The following PUM2 variants were observed in gnomAD, a reference collection of about 807,000 sequenced individuals.
PUM2 encodes the protein pumilio homolog 2.
Under a neutral mutation model 124.5 loss-of-function variants are expected in PUM2, and 57 were observed. That is an observed-to-expected ratio of 0.46 (90% CI 0.37 to 0.57). The LOEUF is 0.57. PUM2 is among the 20% of genes least tolerant of loss of function. PUM2 has a pLI of 0.00. For synonymous variants in PUM2, 460 were observed against 446.1 expected (o/e 1.03, Z -0.39); for missense variants, 1,065 against 1,290.6 (o/e 0.83, Z 2.68).
Position 20,283,352 on chromosome 2 carries a change from C to G in PUM2, c.1426G>C (p.Ala476Pro). ...PTPVLISSAA[A>P]QAAAAAAAGG... ...TGTCAGTTACACTTACCAGCTTGTG[C>G]TGCTGCTGAACTAATTAAAACAGGT... is the stretch of plus-strand genomic sequence containing the variant. The change falls in exon 11 of 21, where the codon GCA becomes CCA. Residue 476 changes from alanine (A) to proline (P), a missense_variant. This residue lies in a region of PUM2 where 968 missense variants were observed against 1,159.8 expected (regional missense o/e 0.83). Transcript: ENST00000361078. The G allele has an allele frequency of 6.8e-6, 11 of 1,614,002 alleles. No individual in the cohort carries two copies. Among genetic ancestry groups the G allele is most frequent in the Non-Finnish European group, 9.3e-6 (11 of 1,179,982 alleles).
Position 20,326,396 on chromosome 2 carries a change from C to T in PUM2, c.51+914G>A. ...GACTCTTTTCTGCATCTGAAGAGCA[C>T]AGCATTGGATGGAGTGAGTCTCATG... On this transcript the variant is annotated intron_variant, in intron 2 of 20. Transcript: ENST00000361078. The T allele has an allele frequency of 2.3e-6, 3 of 1,304,258 alleles. No individual in the cohort carries two copies. The Middle Eastern group carries it at 6.4e-4, about 278-fold the overall frequency. The allele number at this position is 1,304,258 out of a possible 1,614,324, so 80.8% of individuals were successfully genotyped here. A position where few individuals can be genotyped will look rare whatever the true frequency, so the allele number is the denominator to read the frequency against.
intron 1 of PUM2, among the ~76,000 whole-genome samples, chr2:20,345,376 T>A (rs1454338419): frequency 6.6e-6 from 1 of 152,136 alleles, no homozygotes; most frequent in African/African-American, 2.4e-5. Flanking sequence ...TCCCAAAGTG[T>A]TGAGATTACA....
intron 1 of PUM2, among the ~76,000 whole-genome samples, chr2:20,335,981 GAGAATCAAAATACTGCTGA>G (rs1484310945): frequency 6.6e-6 from 1 of 152,056 alleles, no homozygotes; most frequent in Non-Finnish European, 1.5e-5. Context: ...GACTTATTTG[GAGAATCAAAATACTGCTGA>G]AGAAAAGTTG....
intron 1 of PUM2, among the ~76,000 whole-genome samples, chr2:20,328,977 C>T (rs1286926360): frequency 6.6e-6 from 1 of 152,050 alleles, no homozygotes; most frequent in Non-Finnish European, 1.5e-5. Context: ...TTGAGACCAG[C>T]CTGGGCAACA....
At position 20,308,380 on chromosome 2, in the gene PUM2, A is replaced by C. The variant is rs1157487181; in HGVS notation, c.723T>G (p.Gly241=). The change falls in exon 6 of 21, where the codon GGT becomes GGG. Residue 241 remains glycine, a synonymous_variant. Transcript: ENST00000361078. ...GLESLQFDYP[G]NQVPMDSSGA... ...CTGAAGAGTCCATTGGTACCTGATTACCAGGATAGTCAAACTGTAAGGATT... is the reference window on the plus strand; with the variant it reads ...CTGAAGAGTCCATTGGTACCTGATTCCCAGGATAGTCAAACTGTAAGGATT... 6.2e-7 allele frequency: 1 copy of C among 1,613,882 alleles called. No homozygotes were observed. The highest frequency in any genetic ancestry group is 1.7e-5 in the Admixed American group (1 of 60,002).
chr2:20,311,463 G>T lies in PUM2; in HGVS notation c.518+31C>A, dbSNP rs376043118. 3.2e-6 allele frequency: 5 copies of T among 1,575,518 alleles called. No homozygotes were observed. The South Asian group carries it at 5.8e-5, about 18-fold the overall frequency. Reference sequence around the variant, plus strand: ...ATAGTAATAATCCCTAAAAAGATACGCTTTTCTTCTTGAGAAAGTTAAAAT... The same window carrying T: ...ATAGTAATAATCCCTAAAAAGATACTCTTTTCTTCTTGAGAAAGTTAAAAT... On this transcript the variant is annotated intron_variant, in intron 5 of 20. Coordinates refer to ENST00000361078, the MANE Select transcript of PUM2 (RefSeq NM_015317.5).
chr2:20,307,803 A>T (rs1678700396), intron 7 of PUM2, among the ~76,000 whole-genome samples, 175 bp downstream of exon 7: 1 of 152,246 alleles, frequency 6.6e-6, no homozygotes, highest in Non-Finnish European at 1.5e-5. Flanking sequence ...AGTGATGCAA[A>T]TAATAATCAG....
At chr2:20,343,797 T>A (rs1006968256) in intron 1 of PUM2, among the ~76,000 whole-genome samples, 12 of 152,162 alleles carry the variant, frequency 7.9e-5, no homozygotes, top group Admixed American at 4.6e-4. Flanking sequence ...GGTATGATGT[T>A]GTGCGCCTGT....
chr2:20,331,406 A>T (rs1176917151), intron 1 of PUM2, among the ~76,000 whole-genome samples: 2 of 152,326 alleles, frequency 1.3e-5, no homozygotes, highest in Admixed American at 1.3e-4. Context: ...AATAGCTAAA[A>T]TAAAGTGCTA....
rs146806490 is a variant in PUM2, at chr2:20,285,208, A to G, written c.1292-1722T>C. ...TCAACTCAACTCTGAAGTCCTGTTC[A>G]TTTACCTTCCAATCTTTCTCAAATC... is the stretch of plus-strand genomic sequence containing the variant. On this transcript the variant is annotated intron_variant, in intron 10 of 20. Coordinates refer to ENST00000361078, the MANE Select transcript of PUM2 (RefSeq NM_015317.5). 2.5e-4 allele frequency among the ~76,000 whole-genome samples: 38 copies of G among 152,314 alleles called. No homozygotes were observed. The East Asian group carries it at 7.3e-3, about 29-fold the overall frequency.
At chr2:20,300,306 C>A (rs1252272938) in intron 7 of PUM2, among the ~76,000 whole-genome samples, 1 of 152,166 alleles carries the variant, frequency 6.6e-6, no homozygotes, top group South Asian at 2.1e-4. Context: ...TGCGCCGCCA[C>A]GCCTGGCTAA....
chr2:20,336,534 A>G (rs1686065804), intron 1 of PUM2, among the ~76,000 whole-genome samples: 2 of 151,364 alleles, frequency 1.3e-5, no homozygotes, highest in South Asian at 4.2e-4. Context: ...TTTTTTTTAA[A>G]GAGACAGGGT....
intron 13 of PUM2, among the ~76,000 whole-genome samples, chr2:20,276,166 C>T (rs1314872838): frequency 4.0e-5 from 6 of 151,834 alleles, no homozygotes; most frequent in South Asian, 4.1e-4. Flanking sequence ...AAACTATGCA[C>T]TGAAATTCTT....
At chr2:20,274,313 C>T (rs1669687982) in intron 13 of PUM2, among the ~76,000 whole-genome samples, 1 of 152,048 alleles carries the variant, frequency 6.6e-6, no homozygotes, top group Non-Finnish European at 1.5e-5. Flanking sequence ...ATATTGTTTT[C>T]TGCTTTCATT....
intron 3 of PUM2, among the ~76,000 whole-genome samples, chr2:20,317,404 T>C (rs1460550484): frequency 2.6e-5 from 4 of 152,164 alleles, no homozygotes; most frequent in African/African-American, 7.2e-5. Flanking sequence ...GTCTACTTCC[T>C]TCCTGGGTGT....
chr2:20,345,206 CTTCCCACCTCA>C (rs1200278705), intron 1 of PUM2, among the ~76,000 whole-genome samples: 2 of 151,512 alleles, frequency 1.3e-5, no homozygotes, highest in Admixed American at 6.6e-5. Context: ...TTCAAGTGAC[CTTCCCACCTCA>C]TTCCCACCTC....
chr2:20,283,681 T>C (rs1016038697), intron 10 of PUM2, among the ~76,000 whole-genome samples, 195 bp from the exon 11 acceptor site: 2 of 152,184 alleles, frequency 1.3e-5, no homozygotes, highest in African/African-American at 4.8e-5. Context: ...TAGACTGTCA[T>C]TAAACATTTT....
chr2:20,265,783 T>C (rs1417801722), intron 13 of PUM2, among the ~76,000 whole-genome samples: 2 of 152,196 alleles, frequency 1.3e-5, no homozygotes, highest in Non-Finnish European at 2.9e-5. Flanking sequence ...AACCTATTTT[T>C]CACACAAATT....
At chr2:20,350,391 T>G in intron 1 of PUM2, 3 of 724,326 alleles carry the variant, frequency 4.1e-6, no homozygotes, top group Non-Finnish European at 5.0e-6. Flanking sequence ...CGGCGCCCCC[T>G]CCCCCGCACG....
Sources: gnomAD v4.1 joint callset for allele counts (sites outside exome capture counted in the v4.1 genomes callset) on GRCh38, gnomAD v4.1.1 for gene constraint, gnomAD v4.1.1 regional missense constraint, MANE v1.5 for transcripts, NCBI Gene and HGNC (gene_info 2026-07-23, HGNC 2026-07-21) for gene names.